Variants in FRMPD4 observed in about 807,000 individuals in gnomAD.
The protein encoded by FRMPD4 is FERM and PDZ domain-containing protein 4.
FRMPD4 carries 22 observed loss-of-function variants against 94.1 expected under a neutral mutation model. The ratio of observed to expected loss-of-function variants is 0.23; its 90% CI spans 0.17 to 0.33. FRMPD4 has a LOEUF of 0.33. FRMPD4 is among the 10% of genes least tolerant of loss of function. FRMPD4 has a pLI of 1.00. For synonymous variants in FRMPD4, 631 were observed against 548.6 expected, an observed-to-expected ratio of 1.15 and a Z score of -2.10; for missense variants, 1,111 against 1,339.9, an observed-to-expected ratio of 0.83 and a Z score of 2.67.
At chrX:12,367,424 A>G (rs1218801503) in intron 1 of FRMPD4, among the ~76,000 whole-genome samples, 1 of 112,383 alleles carries the variant, frequency 8.9e-6, no homozygotes, top group Non-Finnish European at 1.9e-5. Flanking sequence ...TCATGGCTAC[A>G]TTGCACATAG....
chrX:12,702,692 T>A, intron 10 of FRMPD4, among the ~76,000 whole-genome samples: 1 of 112,848 alleles, frequency 8.9e-6, no homozygotes, highest in Non-Finnish European at 1.9e-5. Flanking sequence ...AATAAATTCA[T>A]GAGCCTGTGT....
At chrX:12,682,208 T>A (rs2059979701) in intron 5 of FRMPD4, among the ~76,000 whole-genome samples, 1 of 112,699 alleles carries the variant, frequency 8.9e-6, no homozygotes, top group African/African-American at 3.2e-5. Flanking sequence ...TTTCATCATA[T>A]TGCTTTTTAA....
chrX:12,096,834 C>T (rs2072635494), intron 3 of FRMPD4, among the ~76,000 whole-genome samples: 1 of 111,566 alleles, frequency 9.0e-6, no homozygotes. Flanking sequence ...CTGCAGTGAA[C>T]TATGATCATG....
At chrX:12,452,633 A>G (rs1316304006) in intron 1 of FRMPD4, among the ~76,000 whole-genome samples, 6 of 112,379 alleles carry the variant, frequency 5.3e-5, no homozygotes, top group South Asian at 7.4e-4. Context: ...CCCAAATTGA[A>G]TATCAGTTAA....
intron 3 of FRMPD4, among the ~76,000 whole-genome samples, chrX:12,072,800 G>A (rs2054980450): frequency 9.0e-6 from 1 of 110,864 alleles, no homozygotes; most frequent in Non-Finnish European, 1.9e-5. Flanking sequence ...TACAAGTATT[G>A]CTTTTTAAAG....
intron 1 of FRMPD4, among the ~76,000 whole-genome samples, chrX:11,834,137 T>C (rs759700680): frequency 7.2e-5 from 8 of 111,682 alleles, no homozygotes; most frequent in Non-Finnish European, 1.9e-5. Context: ...AGTCCTTTTC[T>C]CTCCATCCAG....
intron 3 of FRMPD4, among the ~76,000 whole-genome samples, chrX:12,015,969 C>T (rs775720499): frequency 7.1e-5 from 8 of 112,599 alleles, no homozygotes; most frequent in African/African-American, 2.3e-4. Flanking sequence ...AATAATCACT[C>T]TGCTGATTTT....
At chrX:12,565,027 C>T (rs771980476) in intron 2 of FRMPD4, among the ~76,000 whole-genome samples, 15 of 108,965 alleles carry the variant, frequency 1.4e-4, no homozygotes, top group Non-Finnish European at 2.5e-4. Flanking sequence ...GCAGAGGTTG[C>T]AGTGAGCGGA....
At chrX:12,213,872 T>C (rs1309456799) in intron 1 of FRMPD4, among the ~76,000 whole-genome samples, 1 of 112,490 alleles carries the variant, frequency 8.9e-6, no homozygotes, top group African/African-American at 3.2e-5. Context: ...TCATTTATTC[T>C]TAAAATTCTG....
intron 1 of FRMPD4, among the ~76,000 whole-genome samples, chrX:12,233,461 A>G (rs1024265067): frequency 1.8e-5 from 2 of 111,694 alleles, no homozygotes; most frequent in African/African-American, 3.3e-5. Flanking sequence ...GTTTGAATCA[A>G]TATCTTTCTG....
intron 1 of FRMPD4, among the ~76,000 whole-genome samples, chrX:12,408,837 A>AACTC (rs746285978): frequency 4.5e-5 from 5 of 111,855 alleles, no homozygotes; most frequent in Non-Finnish European, 7.5e-5. Context: ...CTTGTTCAGC[A>AACTC]ACTCAGGAAG....
At chrX:12,257,271 A>T (rs1184799083) in intron 1 of FRMPD4, among the ~76,000 whole-genome samples, 1 of 111,647 alleles carries the variant, frequency 9.0e-6, no homozygotes, top group African/African-American at 3.3e-5. Flanking sequence ...GATTGAAAAC[A>T]TTATCTTAGG....
At chrX:12,553,605 C>T (rs748957012) in intron 2 of FRMPD4, among the ~76,000 whole-genome samples, 1 of 107,568 alleles carries the variant, frequency 9.3e-6, no homozygotes, top group Admixed American at 1.0e-4. Flanking sequence ...CCACCCCAGC[C>T]AAAGCTGTAG....
intron 3 of FRMPD4, among the ~76,000 whole-genome samples, chrX:12,106,805 T>C (rs1020213854): frequency 9.0e-6 from 1 of 111,065 alleles, no homozygotes; most frequent in Non-Finnish European, 1.9e-5. Context: ...TCATTGCTAG[T>C]ACAGCAGTCT....
At chrX:12,630,035 G>T (rs1285559719) in intron 4 of FRMPD4, among the ~76,000 whole-genome samples, 10 of 112,676 alleles carry the variant, frequency 8.9e-5, no homozygotes, top group Non-Finnish European at 1.9e-5. Context: ...TGAGAGTTTG[G>T]CAGTGAACTT....
At chrX:12,634,276 A>G (rs1244783906) in intron 4 of FRMPD4, among the ~76,000 whole-genome samples, 1 of 112,296 alleles carries the variant, frequency 8.9e-6, no homozygotes, top group Non-Finnish European at 1.9e-5. Flanking sequence ...AAAATAGTCT[A>G]TATGTCTGTG....
rs181551728 is a variant in FRMPD4 at position 11,982,943 on chromosome X, G to A, written c.95+104925G>A. On this transcript the variant is annotated intron_variant, in intron 3 of 18. Coordinates refer to the FRMPD4 transcript ENST00000640291. ...TTACTCATGTTGTTTTGTCTATTTT[G>A]TTATTTTTCACTAGATCTCTTGTAC... is the stretch of plus-strand genomic sequence containing the variant. Among the ~76,000 whole-genome samples the A allele has an allele frequency of 6.9e-3, 770 of 111,412 alleles. 11 individuals are homozygous for A. Among genetic ancestry groups the A allele is most frequent in the African/African-American group, 0.024 (723 of 30,730 alleles).
intron 1 of FRMPD4, among the ~76,000 whole-genome samples, chrX:12,215,981 C>T (rs1474944308): frequency 8.9e-6 from 1 of 112,437 alleles, no homozygotes; most frequent in African/African-American, 3.2e-5. Flanking sequence ...ACCAAGACCA[C>T]ATGGCTTGCA....
chrX:12,643,068 A>T (rs1217789208), intron 4 of FRMPD4, among the ~76,000 whole-genome samples: 4 of 111,748 alleles, frequency 3.6e-5, no homozygotes, highest in African/African-American at 1.3e-4. Context: ...ACACCATGAA[A>T]AGAAGTCTGG....
Sources: allele counts gnomAD v4.1 joint callset (sites outside exome capture counted in the v4.1 genomes callset), GRCh38; gene constraint gnomAD v4.1.1; transcripts MANE v1.5; gene names NCBI Gene and HGNC (gene_info 2026-07-23, HGNC 2026-07-21).